The following FAT3 variants were observed in gnomAD, a reference collection of about 807,000 sequenced individuals.
FAT3 encodes FAT atypical cadherin 3, also known as protocadherin Fat 3.
FAT3 carries 95 observed loss-of-function variants against 310.2 expected under a neutral mutation model. The observed-to-expected ratio is 0.31, with a 90% CI of 0.26 to 0.36. The LOEUF is 0.36. FAT3 is among the 10% of genes least tolerant of loss of function. The pLI is 1.00. For synonymous variants in FAT3, 2,314 were observed against 2,192.9 expected (o/e 1.06, Z -1.54); for missense variants, 5,408 against 5,715.6 (o/e 0.95, Z 1.74).
At chr11:92,794,837 C>A (rs550681354) in intron 9 of FAT3, among the ~76,000 whole-genome samples, 1 of 152,320 alleles carries the variant, frequency 6.6e-6, no homozygotes, top group South Asian at 2.1e-4. Context: ...CACAGACAGA[C>A]AGACAAACCC....
At chr11:92,884,864 G>A (rs1485924039) in intron 24 of FAT3, among the ~76,000 whole-genome samples, 3 of 152,120 alleles carry the variant, frequency 2.0e-5, no homozygotes, top group African/African-American at 7.2e-5. Context: ...ACTCACCAAG[G>A]GAACAAGAAC....
chr11:92,586,752 G>A (rs1306149937), intron 3 of FAT3, among the ~76,000 whole-genome samples: 1 of 151,852 alleles, frequency 6.6e-6, no homozygotes, highest in Non-Finnish European at 1.5e-5. Context: ...TCTGAATAAT[G>A]GTAATATTTT....
chr11:92,807,866 T>C (rs1179778871), intron 12 of FAT3, among the ~76,000 whole-genome samples: 4 of 152,212 alleles, frequency 2.6e-5, no homozygotes, highest in African/African-American at 9.7e-5. Context: ...TTTAGTTTTG[T>C]AGATTAGATG....
chr11:92,829,168 C>T (rs1279432077), intron 13 of FAT3, among the ~76,000 whole-genome samples: 1 of 152,206 alleles, frequency 6.6e-6, no homozygotes, highest in African/African-American at 2.4e-5. Flanking sequence ...GAAAACAGGA[C>T]TTTGCATGTT....
intron 3 of FAT3, among the ~76,000 whole-genome samples, chr11:92,693,188 G>A (rs1943844549): frequency 6.6e-6 from 1 of 152,094 alleles, no homozygotes; most frequent in African/African-American, 2.4e-5. Context: ...ATTCACTTAG[G>A]ACTGGCATAC....
intron 2 of FAT3, among the ~76,000 whole-genome samples, chr11:92,443,752 G>A (rs974271536): frequency 6.6e-6 from 1 of 152,124 alleles, no homozygotes; most frequent in Non-Finnish European, 1.5e-5. Flanking sequence ...GTGTCATGGT[G>A]TAATGAAAAT....
intron 1 of FAT3, among the ~76,000 whole-genome samples, chr11:92,282,798 T>G (rs1218376435): frequency 2.6e-5 from 4 of 152,216 alleles, no homozygotes; most frequent in African/African-American, 9.6e-5. Flanking sequence ...TAATAGTATT[T>G]TGGTACATAG....
chr11:92,335,528 G>A (rs952680625), intron 1 of FAT3, among the ~76,000 whole-genome samples: 1 of 152,058 alleles, frequency 6.6e-6, no homozygotes, highest in Non-Finnish European at 1.5e-5. Context: ...CAGGTGTTCT[G>A]CACCTTATAT....
At chr11:92,449,372 C>T (rs111233482) in intron 2 of FAT3, among the ~76,000 whole-genome samples, 3,208 of 152,204 alleles carry the variant, frequency 0.021, 125 homozygotes, top group African/African-American at 0.073. Flanking sequence ...GCCCCCTGAC[C>T]CAAGCAGCAT....
At chr11:92,780,574 AG>A (rs1298249154) in intron 7 of FAT3, among the ~76,000 whole-genome samples, 1 of 152,218 alleles carries the variant, frequency 6.6e-6, no homozygotes, top group Non-Finnish European at 1.5e-5. Context: ...AGAGTAGATC[AG>A]GGTTTATATC....
At chr11:92,814,774 C>A (rs1947777841) in intron 13 of FAT3, among the ~76,000 whole-genome samples, 1 of 152,132 alleles carries the variant, frequency 6.6e-6, no homozygotes, top group Non-Finnish European at 1.5e-5. Flanking sequence ...GAATTGAAAG[C>A]TAGATGATGG....
intron 3 of FAT3, among the ~76,000 whole-genome samples, chr11:92,552,451 CAA>C: frequency 6.6e-6 from 1 of 152,014 alleles, no homozygotes; most frequent in East Asian, 1.9e-4. Flanking sequence ...GAGAAAGAAA[CAA>C]AAAATATTCT....
chr11:92,397,636 C>T (rs2134847107), intron 2 of FAT3, among the ~76,000 whole-genome samples: 1 of 152,274 alleles, frequency 6.6e-6, no homozygotes, highest in East Asian at 1.9e-4. Flanking sequence ...CACCAGATCA[C>T]CAGCTACTCC....
chr11:92,812,399 G>A (rs1356921920), intron 13 of FAT3, among the ~76,000 whole-genome samples: 4 of 152,004 alleles, frequency 2.6e-5, no homozygotes, highest in Non-Finnish European at 5.9e-5. Context: ...CGGCCAATAT[G>A]GTGAAACCCC....
intron 4 of FAT3, among the ~76,000 whole-genome samples, chr11:92,709,786 G>A (rs1196990792): frequency 1.3e-5 from 2 of 152,184 alleles, no homozygotes; most frequent in African/African-American, 4.8e-5. Context: ...ATGCAGAACA[G>A]GGAAGGGCTT....
chr11:92,353,139 C>G lies in FAT3; in HGVS notation c.1027C>G (p.Leu343Val). The G allele has an allele frequency of 1.2e-6, 2 of 1,613,604 alleles. No individual in the cohort carries two copies. Among genetic ancestry groups the G allele is most frequent in the Non-Finnish European group, 1.7e-6 (2 of 1,179,842 alleles). Residue 343 changes from leucine to valine, a missense_variant, in exon 2 of 28, where the codon CTC (leucine) becomes GTC (valine). Physicochemically the swap from Leu to Val is conservative, Grantham distance 32 (BLOSUM62 1). Coordinates refer to ENST00000525166, the MANE Select transcript of FAT3 (RefSeq NM_001367949.2). Reference protein sequence around the residue: ...DWESFPYGYNLTLQAKDKGSP... With the variant: ...DWESFPYGYNVTLQAKDKGSP... ...GGAGAGCTTTCCCTATGGCTACAATCTCACTCTTCAAGCAAAAGACAAGGG... is the reference window on the plus strand; with the variant it reads ...GGAGAGCTTTCCCTATGGCTACAATGTCACTCTTCAAGCAAAAGACAAGGG...
intron 15 of FAT3, 104 bp from the exon 16 acceptor site, chr11:92,836,462 A>T: frequency 7.5e-7 from 1 of 1,339,362 alleles, no homozygotes; most frequent in Non-Finnish European, 1.0e-6. Flanking sequence ...GCTCCCGAGA[A>T]AACTGTCACA....
intron 3 of FAT3, among the ~76,000 whole-genome samples, chr11:92,588,265 A>G: frequency 6.6e-6 from 1 of 151,498 alleles, no homozygotes; most frequent in East Asian, 1.9e-4. Context: ...CTCCTTTTTG[A>G]TGTCATTTTG....
At chr11:92,408,470 C>T (rs1950182786) in intron 2 of FAT3, among the ~76,000 whole-genome samples, 1 of 152,098 alleles carries the variant, frequency 6.6e-6, no homozygotes, top group South Asian at 2.1e-4. Flanking sequence ...CTTAGTTCCC[C>T]CACCTGAAGC....
Sources: allele counts gnomAD v4.1 joint callset (sites outside exome capture counted in the v4.1 genomes callset), GRCh38; gene constraint gnomAD v4.1.1; transcripts MANE v1.5; gene names NCBI Gene and HGNC (gene_info 2026-07-23, HGNC 2026-07-21).